MACROD2: variants seen among roughly 807,000 people sequenced by gnomAD.
The protein encoded by MACROD2 is mono-ADP ribosylhydrolase 2.
In MACROD2, 36 loss-of-function variants were observed where a neutral mutation model predicts 70.4. The observed-to-expected ratio is 0.51, with a 90% CI of 0.39 to 0.68. The LOEUF (loss-of-function observed/expected upper bound fraction) is 0.68, where lower values mean the gene tolerates loss of function less well. Ranked by LOEUF, MACROD2 falls within the 30% of genes least tolerant of loss-of-function variation. The pLI is 0.00. For missense variants in MACROD2, 496 were observed against 538.4 expected (o/e 0.92, Z 0.78); for synonymous variants, 172 against 178.8 (o/e 0.96, Z 0.30).
In MACROD2 at chr20:14,362,670, G is replaced by GA. The variant is rs576339341; in HGVS notation, c.272-130803dup. The stretch of plus-strand genomic sequence containing the variant: ...GAATCTTTGATCTCTTGGGCTAGAG[G>GA]AAAAAATAACACCAAAAAGTTCCTT... On this transcript the variant is annotated intron_variant, in intron 3 of 17. Coordinates refer to ENST00000684519, the MANE Select transcript of MACROD2 (RefSeq NM_001351661.2). Among the ~76,000 whole-genome samples the GA allele has an allele frequency of 3.0e-4, 46 of 152,076 alleles. No individual in the cohort carries two copies. The East Asian group carries it at 7.0e-3, about 23-fold the overall frequency.
At chr20:15,915,518 C>T (rs1456769389) in intron 10 of MACROD2, among the ~76,000 whole-genome samples, 2 of 152,200 alleles carry the variant, frequency 1.3e-5, no homozygotes, top group African/African-American at 4.8e-5. Flanking sequence ...GTCAAACCCA[C>T]CTTTACATAT....
At chr20:15,264,340 C>G (rs2146051590) in intron 6 of MACROD2, among the ~76,000 whole-genome samples, 1 of 152,204 alleles carries the variant, frequency 6.6e-6, no homozygotes, top group East Asian at 1.9e-4. Flanking sequence ...GGCTTCCTAC[C>G]AGTTATTGCT....
rs116579795 is a variant in MACROD2 at position 14,497,895 on chromosome 20, C to T, written c.301+4387C>T. Reference sequence around the variant, plus strand: ...GTGCTGTTATCTATGCAGTCAGCCCCAGCTGCAATGCATGCAAAGCCATTT... The same window carrying T: ...GTGCTGTTATCTATGCAGTCAGCCCTAGCTGCAATGCATGCAAAGCCATTT... On this transcript the variant is annotated intron_variant, in intron 4 of 17. Coordinates refer to ENST00000684519, the MANE Select transcript of MACROD2 (RefSeq NM_001351661.2). Among the ~76,000 whole-genome samples the T allele has an allele frequency of 1.1e-3, 163 of 151,902 alleles. 6 individuals are homozygous for T. Among genetic ancestry groups the T allele is most frequent in the African/African-American group, 3.9e-3 (159 of 41,166 alleles).
intron 4 of MACROD2, among the ~76,000 whole-genome samples, chr20:14,628,387 G>C (rs902600469): frequency 2.6e-5 from 4 of 152,026 alleles, no homozygotes; most frequent in Non-Finnish European, 5.9e-5. Context: ...TAGTAGCAGA[G>C]GACATGAAAA....
intron 5 of MACROD2, among the ~76,000 whole-genome samples, chr20:15,142,753 C>T (rs1458511671): frequency 6.6e-6 from 1 of 150,766 alleles, no homozygotes; most frequent in African/African-American, 2.4e-5. Flanking sequence ...TGAGTGAGAA[C>T]ACGTGGTGTT....
At position 13,995,522 on chromosome 20, in the gene MACROD2, C is replaced by A. The variant is rs879699695; in HGVS notation, c.-242C>A. On this transcript the variant is annotated 5_prime_UTR_variant, in exon 1 of 18. Coordinates refer to ENST00000684519, the MANE Select transcript of MACROD2 (RefSeq NM_001351661.2). This position sits in a 1 kb window ranked among gnomAD's most constrained non-coding sequence, Gnocchi z 4.3. ...CGCGAGGCGTGACCTAGTTGACAGG[C>A]TCTGAGGTGCTGCTGTGGCGGCGTC... 59 of 611,806 alleles carry A rather than the reference C, an allele frequency of 9.6e-5. No individual in the cohort carries two copies. The highest frequency in any genetic ancestry group is 1.6e-4 in the Non-Finnish European group (53 of 335,654). The allele number at this position is 611,806 out of a possible 1,614,324, so 37.9% of individuals were successfully genotyped here. A position where few individuals can be genotyped will look rare whatever the true frequency, so the allele number is the denominator to read the frequency against.
At chr20:14,484,539 C>A (rs1429415226) in intron 3 of MACROD2, among the ~76,000 whole-genome samples, 1 of 152,132 alleles carries the variant, frequency 6.6e-6, no homozygotes, top group Non-Finnish European at 1.5e-5. Flanking sequence ...CTTACTCATT[C>A]TTTCTATTGT....
At chr20:14,116,669 C>T (rs867501409) in intron 3 of MACROD2, among the ~76,000 whole-genome samples, 1 of 151,522 alleles carries the variant, frequency 6.6e-6, no homozygotes, top group African/African-American at 2.4e-5. Context: ...TGATTTTTTC[C>T]TGTTCATCTC....
chr20:15,465,705 TGGGGCTCCACAAGAGTGAC>T (rs1464653064), intron 7 of MACROD2, among the ~76,000 whole-genome samples: 1 of 152,220 alleles, frequency 6.6e-6, no homozygotes, highest in Non-Finnish European at 1.5e-5. Context: ...GACATGTGGC[TGGGGCTCCACAAGAGTGAC>T]GGTCATTTCA....
intron 5 of MACROD2, among the ~76,000 whole-genome samples, chr20:14,818,130 A>G (rs546463168): frequency 1.3e-5 from 2 of 152,260 alleles, no homozygotes; most frequent in South Asian, 4.1e-4. Flanking sequence ...GTTTGTACAC[A>G]TTTATGGATA....
chr20:15,306,570 A>T (rs2077699841), intron 6 of MACROD2, among the ~76,000 whole-genome samples: 1 of 152,188 alleles, frequency 6.6e-6, no homozygotes, highest in Non-Finnish European at 1.5e-5. Context: ...CTTAACTTTG[A>T]TTGATGAGAG....
chr20:14,478,419 G>A (rs916439210), intron 3 of MACROD2, among the ~76,000 whole-genome samples: 22 of 152,148 alleles, frequency 1.4e-4, no homozygotes, highest in Non-Finnish European at 2.8e-4. Context: ...TTGAATTGGT[G>A]TTCCTTTATA....
chr20:15,166,579 G>A (rs1266914060), intron 5 of MACROD2, among the ~76,000 whole-genome samples: 1 of 151,756 alleles, frequency 6.6e-6, no homozygotes, highest in Non-Finnish European at 1.5e-5. Flanking sequence ...ATAATTTAAA[G>A]GAGACAAAGT....
chr20:15,211,719 T>C (rs926241874), intron 5 of MACROD2, among the ~76,000 whole-genome samples: 1 of 152,172 alleles, frequency 6.6e-6, no homozygotes, highest in South Asian at 2.1e-4. Flanking sequence ...TCGTGCTTCC[T>C]GTACAGCCTG....
Position 15,066,933 on chromosome 20 carries a change from A to G in MACROD2, c.419-163007A>G, listed in dbSNP as rs539045928. 5.2e-4 allele frequency among the ~76,000 whole-genome samples: 79 copies of G among 152,244 alleles called. 6 individuals carry two copies. In the South Asian group the frequency reaches 0.016, roughly 30 times the overall value. ...CAGCGAACTACAGGCTCTTATTTAA[A>G]TCTAAGTTTTAAATTCGTGCAATAT... On this transcript the variant is annotated intron_variant, in intron 5 of 17. Coordinates refer to ENST00000684519, the MANE Select transcript of MACROD2 (RefSeq NM_001351661.2).
chr20:14,956,944 G>C (rs1600871769), intron 5 of MACROD2, among the ~76,000 whole-genome samples: 2 of 152,172 alleles, frequency 1.3e-5, no homozygotes, highest in East Asian at 3.9e-4. Flanking sequence ...CCACCTTCAA[G>C]ATATTTCCTG....
rs1164386579 is a variant in MACROD2 at position 15,352,111 on chromosome 20, T to C, written c.541-79294T>C. Among the ~76,000 whole-genome samples the C allele has an allele frequency of 7.2e-5, 11 of 152,174 alleles. No individual in the cohort carries two copies. In the South Asian group the frequency reaches 2.1e-3, roughly 29 times the overall value. The stretch of plus-strand genomic sequence containing the variant: ...CCATAATGGTCCATGTGCAGCAGAG[T>C]GTAGAAACAGAGAACATGAAGAAGA... On this transcript the variant is annotated intron_variant, in intron 6 of 17. Coordinates refer to ENST00000684519, the MANE Select transcript of MACROD2 (RefSeq NM_001351661.2).
At chr20:14,462,184 C>T (rs1397717801) in intron 3 of MACROD2, among the ~76,000 whole-genome samples, 1 of 152,078 alleles carries the variant, frequency 6.6e-6, no homozygotes, top group South Asian at 2.1e-4. Flanking sequence ...TCCACATCCT[C>T]TCCAGCACCT....
intron 8 of MACROD2, among the ~76,000 whole-genome samples, chr20:15,788,401 C>G (rs749428590): frequency 1.9e-4 from 29 of 152,142 alleles, no homozygotes; most frequent in Non-Finnish European, 4.0e-4. Flanking sequence ...GAGGCTGACT[C>G]ATTGTTTCCT....
Sources: gnomAD v4.1 joint callset for allele counts (sites outside exome capture counted in the v4.1 genomes callset) on GRCh38, gnomAD v4.1.1 for gene constraint, Gnocchi (gnomAD v3.1) non-coding constraint, MANE v1.5 for transcripts, NCBI Gene and HGNC (gene_info 2026-07-23, HGNC 2026-07-21) for gene names.